Variants in PDE1C observed in about 807,000 individuals in gnomAD.
The protein encoded by PDE1C is phosphodiesterase 1C, also known as dual specificity calcium/calmodulin-dependent 3',5'-cyclic nucleotide phosphodiesterase 1C.
Under a neutral mutation model 93.1 loss-of-function variants are expected in PDE1C, and 62 were observed. That is an observed-to-expected ratio of 0.67 (90% CI 0.54 to 0.82). PDE1C has a LOEUF of 0.82. Ranked by LOEUF, PDE1C falls within the 40% of genes least tolerant of loss-of-function variation. PDE1C has a pLI of 0.00. For synonymous variants in PDE1C, 325 were observed against 310.1 expected (o/e 1.05, Z -0.50); for missense variants, 742 against 884.6 (o/e 0.84, Z 2.04).
At chr7:32,384,311 G>A (rs1223516391) in intron 1 of PDE1C, among the ~76,000 whole-genome samples, 1 of 152,194 alleles carries the variant, frequency 6.6e-6, no homozygotes, top group Non-Finnish European at 1.5e-5. Flanking sequence ...GTTCTCAGCA[G>A]CTTACATCCC....
intron 3 of PDE1C, among the ~76,000 whole-genome samples, chr7:32,132,922 A>G (rs1438041869): frequency 1.3e-5 from 2 of 152,278 alleles, no homozygotes; most frequent in African/African-American, 2.4e-5. Context: ...TAACTCCGAG[A>G]TTTTTATTTT....
chr7:32,107,209 A>G (rs1798368014), intron 3 of PDE1C, among the ~76,000 whole-genome samples: 1 of 150,860 alleles, frequency 6.6e-6, no homozygotes, highest in Admixed American at 6.6e-5. Flanking sequence ...AAGGTATAAT[A>G]TATGTGTAGC....
chr7:32,175,440 C>A lies in PDE1C; in HGVS notation c.137-5484G>T, dbSNP rs556420768. On this transcript the variant is annotated intron_variant, in intron 2 of 18. Transcript: ENST00000396193. ...TGCTGAAATAAAAAATGCTAACAAT[C>A]ATCTGAGCCTTCAAGCAGAGGTAAT... Among the ~76,000 whole-genome samples, 9 of 152,300 alleles carry A rather than the reference C, an allele frequency of 5.9e-5. No homozygotes were observed. The East Asian group carries it at 1.7e-3, about 29-fold the overall frequency.
intron 2 of PDE1C, among the ~76,000 whole-genome samples, chr7:32,044,735 A>G (rs895114899): frequency 4.6e-5 from 7 of 152,160 alleles, no homozygotes; most frequent in Admixed American, 3.9e-4. Flanking sequence ...AGTTGAAGGA[A>G]CACCCAACAG....
the PDE1C span, among the ~76,000 whole-genome samples, chr7:31,719,457 T>C: frequency 2.8e-4 from 42 of 152,222 alleles, no homozygotes; most frequent in African/African-American, 1.0e-3. Context: ...TCCACTGTTT[T>C]TGCAGCGCAG....
chr7:31,859,516 A>G (rs1383447298), intron 7 of PDE1C, among the ~76,000 whole-genome samples: 2 of 151,288 alleles, frequency 1.3e-5, no homozygotes, highest in African/African-American at 4.8e-5. Flanking sequence ...ATAGCCTGTA[A>G]TGTTATATCC....
At chr7:31,755,168 G>A (rs187019468) in intron 17 of PDE1C, among the ~76,000 whole-genome samples, 55 of 152,266 alleles carry the variant, frequency 3.6e-4, no homozygotes, top group African/African-American at 6.7e-4. Context: ...CAACAATTAC[G>A]TAAACAGAGG....
At chr7:32,056,739 G>A (rs1794168912) in intron 1 of PDE1C, among the ~76,000 whole-genome samples, 1 of 152,148 alleles carries the variant, frequency 6.6e-6, no homozygotes. Context: ...TTATAATTCA[G>A]TAGGTTTTCA....
chr7:31,622,762 C>A, the PDE1C span, among the ~76,000 whole-genome samples: 1 of 151,916 alleles, frequency 6.6e-6, no homozygotes, highest in African/African-American at 2.4e-5. Context: ...AAAATCAGAG[C>A]AGAACTGAAG....
At chr7:31,826,547 T>A (rs1306216271) in intron 12 of PDE1C, among the ~76,000 whole-genome samples, 5 of 152,130 alleles carry the variant, frequency 3.3e-5, no homozygotes, top group African/African-American at 9.7e-5. Flanking sequence ...AACTAACTCA[T>A]AAGCTTCCCC....
the PDE1C span, chr7:31,651,829 A>T: frequency 2.8e-6 from 2 of 714,736 alleles, no homozygotes; most frequent in Non-Finnish European, 4.7e-6. Context: ...TAAAGATGAC[A>T]TTCTCTTTTA....
chr7:31,636,526 T>G, the PDE1C span, among the ~76,000 whole-genome samples: 15 of 152,160 alleles, frequency 9.9e-5, no homozygotes, highest in Non-Finnish European at 5.9e-5. Context: ...TTCGAAAGTC[T>G]GTCTTGTCCA....
intron 3 of PDE1C, among the ~76,000 whole-genome samples, chr7:32,145,966 C>T (rs536551209): frequency 8.5e-4 from 129 of 152,138 alleles, no homozygotes; most frequent in Non-Finnish European, 1.6e-3. Context: ...GGATTATCTG[C>T]GGGCCTTTAG....
rs113756943 is a variant in PDE1C, at chr7:32,267,985, C to A, written c.85+30666G>T. Reference sequence around the variant, plus strand: ...CTGTGCTGAAAGTGACACTCGTGATCTTTGGTGAAGGAAAAGTCAGGCTGG... The same window carrying A: ...CTGTGCTGAAAGTGACACTCGTGATATTTGGTGAAGGAAAAGTCAGGCTGG... On this transcript the variant is annotated intron_variant, in intron 1 of 18. Coordinates refer to the PDE1C transcript ENST00000396193. Among the ~76,000 whole-genome samples, 747 of 152,282 alleles carry A rather than the reference C, an allele frequency of 4.9e-3. 7 individuals carry two copies. The highest frequency in any genetic ancestry group is 0.017 in the African/African-American group (714 of 41,546).
chr7:32,116,298 T>C (rs905574577), intron 3 of PDE1C, among the ~76,000 whole-genome samples: 1 of 152,168 alleles, frequency 6.6e-6, no homozygotes, highest in Non-Finnish European at 1.5e-5. Flanking sequence ...TGCACTTATC[T>C]TCCTTCTAGC....
the PDE1C span, among the ~76,000 whole-genome samples, chr7:31,682,965 C>A: frequency 1.3e-5 from 2 of 152,100 alleles, no homozygotes; most frequent in African/African-American, 4.8e-5. Flanking sequence ...TAGTGGTTGT[C>A]AGGGACCACT....
intron 1 of PDE1C, among the ~76,000 whole-genome samples, chr7:32,417,444 C>G (rs532728257): frequency 1.2e-4 from 18 of 152,032 alleles, no homozygotes; most frequent in Non-Finnish European, 2.2e-4. Flanking sequence ...TGCATTAAAC[C>G]CTTAAACTCA....
chr7:32,368,352 C>G (rs570080779), intron 1 of PDE1C, among the ~76,000 whole-genome samples: 1 of 151,946 alleles, frequency 6.6e-6, no homozygotes, highest in Non-Finnish European at 1.5e-5. Context: ...TGTTTCTATA[C>G]ACAAAAAACA....
intron 2 of PDE1C, among the ~76,000 whole-genome samples, chr7:32,187,492 TTTAATA>T (rs1324853757): frequency 6.6e-6 from 1 of 152,192 alleles, no homozygotes; most frequent in Non-Finnish European, 1.5e-5. Context: ...AAATTGTTAT[TTTAATA>T]TTAAGATGTA....
Sources: gnomAD v4.1 joint callset for allele counts (sites outside exome capture counted in the v4.1 genomes callset) on GRCh38, gnomAD v4.1.1 for gene constraint, MANE v1.5 for transcripts, NCBI Gene and HGNC (gene_info 2026-07-23, HGNC 2026-07-21) for gene names.